The following WDR72 variants were observed in gnomAD, a reference collection of about 807,000 sequenced individuals.
The protein encoded by WDR72 is WD repeat-containing protein 72.
In WDR72, 120 loss-of-function variants were observed where a neutral mutation model predicts 124.2. The ratio of observed to expected loss-of-function variants is 0.97; its 90% CI spans 0.83 to 1.12. WDR72 has a LOEUF of 1.12. Among genes scored for constraint, WDR72 ranks in the 50% most tolerant of loss-of-function variants. The pLI, the probability that WDR72 is intolerant of heterozygous loss-of-function variation, is 0.00. For missense variants in WDR72, 1,387 were observed against 1,278.8 expected, an observed-to-expected ratio of 1.08 and a Z score of -1.29; for synonymous variants, 452 against 441.7, an observed-to-expected ratio of 1.02 and a Z score of -0.29.
chr15:53,647,959 G>C (rs2015101654), intron 14 of WDR72, among the ~76,000 whole-genome samples: 1 of 152,062 alleles, frequency 6.6e-6, no homozygotes, highest in African/African-American at 2.4e-5. Context: ...TCCTAGTCCA[G>C]TGCTCCTTCC....
chr15:53,747,076 G>A (rs1324028876), intron 1 of WDR72, among the ~76,000 whole-genome samples: 3 of 152,124 alleles, frequency 2.0e-5, no homozygotes, highest in Non-Finnish European at 4.4e-5. Context: ...AGAAGACTAT[G>A]AACCAAGCAG....
At chr15:53,565,160 A>G (rs1407727618) in intron 18 of WDR72, among the ~76,000 whole-genome samples, 2 of 151,886 alleles carry the variant, frequency 1.3e-5, no homozygotes, top group Non-Finnish European at 2.9e-5. Flanking sequence ...GATTGGGGAA[A>G]GTGTTCCCAG....
chr15:53,612,345 A>G (rs1566983531), intron 16 of WDR72, among the ~76,000 whole-genome samples: 1 of 152,224 alleles, frequency 6.6e-6, no homozygotes, highest in East Asian at 1.9e-4. Context: ...AAAGTAACAG[A>G]TGTCAGATAG....
At chr15:53,611,877 A>G (rs1020733954) in intron 16 of WDR72, among the ~76,000 whole-genome samples, 5 of 152,134 alleles carry the variant, frequency 3.3e-5, no homozygotes, top group African/African-American at 1.2e-4. Flanking sequence ...GAAGCTAATA[A>G]TAAACTCTCA....
chr15:53,722,746 G>T (rs2017912036), intron 3 of WDR72, 56 bp downstream of exon 3: 1 of 1,514,618 alleles, frequency 6.6e-7, no homozygotes. Flanking sequence ...TTCCATTGTA[G>T]TTTTTAAAAA....
chr15:53,678,256 G>A (rs1336054617), intron 13 of WDR72, among the ~76,000 whole-genome samples: 1 of 152,132 alleles, frequency 6.6e-6, no homozygotes, highest in Non-Finnish European at 1.5e-5. Context: ...CTCTGAAAAT[G>A]TATAATTCTA....
At chr15:53,756,182 G>A (rs1304530138) in intron 1 of WDR72, among the ~76,000 whole-genome samples, 2 of 152,176 alleles carry the variant, frequency 1.3e-5, no homozygotes, top group Non-Finnish European at 2.9e-5. Context: ...ATTGAATCAT[G>A]AGGATGGTTT....
intron 18 of WDR72, among the ~76,000 whole-genome samples, chr15:53,528,975 T>G (rs572571366): frequency 2.0e-5 from 3 of 151,946 alleles, no homozygotes; most frequent in Admixed American, 2.0e-4. Flanking sequence ...ATGATTAATT[T>G]CACTTGCAGT....
intron 6 of WDR72, 46 bp downstream of exon 6, chr15:53,714,388 T>C: frequency 7.0e-7 from 1 of 1,437,806 alleles, no homozygotes; most frequent in Non-Finnish European, 9.8e-7. Context: ...TTTTAATGAA[T>C]ATGCTTGAAA....
At position 53,716,769 on chromosome 15, in the gene WDR72, A is replaced by AGTGCTGCACTGAAGT. The variant is rs6145564; in HGVS notation, c.261-85_261-84insACTTCAGTGCAGCAC. The stretch of plus-strand genomic sequence containing the variant: ...TTTTTGTGCCACCAAGTTTTTCTTT[A>AGTGCTGCACTGAAGT]GCAGCCTGATCATTTATGTGGCTTT... On this transcript the variant is annotated intron_variant, in intron 3 of 19. Coordinates refer to ENST00000360509, the MANE Select transcript of WDR72 (RefSeq NM_182758.4). 1.7e-5 allele frequency: 16 copies of AGTGCTGCACTGAAGT among 955,778 alleles called. No individual in the cohort carries two copies. In the East Asian group the frequency reaches 3.6e-4, roughly 21 times the overall value. The allele number at this position is 955,778 out of a possible 1,614,324, so 59.2% of individuals were successfully genotyped here. A position where few individuals can be genotyped will look rare whatever the true frequency, so the allele number is the denominator to read the frequency against.
At chr15:53,683,866 C>T (rs1234030040) in intron 13 of WDR72, among the ~76,000 whole-genome samples, 1 of 152,098 alleles carries the variant, frequency 6.6e-6, no homozygotes, top group Non-Finnish European at 1.5e-5. Context: ...TACTTCCCAA[C>T]TGTACTGCTA....
intron 14 of WDR72, among the ~76,000 whole-genome samples, chr15:53,630,919 G>A (rs2014401249): frequency 6.6e-6 from 1 of 152,122 alleles, no homozygotes. Flanking sequence ...AAGTAAAACT[G>A]TCTATATTTG....
At chr15:53,666,370 C>T (rs537025) in intron 13 of WDR72, among the ~76,000 whole-genome samples, 19,894 of 151,930 alleles carry the variant, frequency 0.13, 2,198 homozygotes, top group African/African-American at 0.31. Context: ...TGTCATTCTT[C>T]CAGTTTCAGA....
intron 18 of WDR72, among the ~76,000 whole-genome samples, chr15:53,538,864 T>C (rs959683800): frequency 1.3e-5 from 2 of 152,138 alleles, no homozygotes; most frequent in African/African-American, 2.4e-5. Flanking sequence ...TCATGACTGG[T>C]CTCAGTAAGT....
At chr15:53,740,526 G>A (rs889550849) in intron 1 of WDR72, among the ~76,000 whole-genome samples, 1 of 152,038 alleles carries the variant, frequency 6.6e-6, no homozygotes, top group African/African-American at 2.4e-5. Flanking sequence ...TCAATCTCCT[G>A]ACCTCGTGAT....
intron 13 of WDR72, among the ~76,000 whole-genome samples, chr15:53,698,633 G>A (rs1354939445): frequency 6.6e-6 from 1 of 151,940 alleles, no homozygotes; most frequent in African/African-American, 2.4e-5. Context: ...CAGGCTTTAG[G>A]GCCTATTTTA....
chr15:53,732,872 T>G, intron 2 of WDR72, 125 bp downstream of exon 2: 1 of 1,161,236 alleles, frequency 8.6e-7, no homozygotes, highest in East Asian at 2.5e-5. Context: ...TAAAATCAAT[T>G]TATTACTTTA....
chr15:53,705,905 C>G (rs767588272), intron 10 of WDR72, 22 bp downstream of exon 10: 14 of 1,613,612 alleles, frequency 8.7e-6, no homozygotes, highest in Non-Finnish European at 1.2e-5. Flanking sequence ...AGACATGTTA[C>G]TAGAAAAGGA....
chr15:53,682,089 C>T (rs1360944161), intron 13 of WDR72, among the ~76,000 whole-genome samples: 1 of 151,894 alleles, frequency 6.6e-6, no homozygotes, highest in Non-Finnish European at 1.5e-5. Context: ...CAATGTGATA[C>T]CTGAATTTTA....
Sources: gnomAD v4.1 joint callset for allele counts (sites outside exome capture counted in the v4.1 genomes callset) on GRCh38, gnomAD v4.1.1 for gene constraint, MANE v1.5 for transcripts, NCBI Gene and HGNC (gene_info 2026-07-23, HGNC 2026-07-21) for gene names.